The following DYM variants were observed in gnomAD, a reference collection of about 807,000 sequenced individuals.
The protein encoded by DYM is dymeclin, also known as dyggve-Melchior-Clausen syndrome protein.
A neutral mutation model predicts 93.1 loss-of-function variants in DYM; 78 were observed. That is an observed-to-expected ratio of 0.84 (90% CI 0.70 to 1.01). The LOEUF is 1.01. Among genes scored for constraint, DYM ranks in the 50% least tolerant of loss-of-function variants. The probability of loss-of-function intolerance (pLI) is 0.00; values close to 1 mark genes in which losing one functional copy is unlikely to be tolerated. For synonymous variants in DYM, 321 were observed against 319.7 expected (o/e 1.00, Z -0.04); for missense variants, 789 against 845.0 (o/e 0.93, Z 0.82).
Position 49,391,342 on chromosome 18 carries a change from G to C in DYM, c.193+251C>G, listed in dbSNP as rs1049169486. 4 of 435,284 alleles carry C rather than the reference G, an allele frequency of 9.2e-6. No homozygotes were observed. The South Asian group carries it at 1.0e-4, about 11-fold the overall frequency. The allele number at this position is 435,284 out of a possible 1,614,324, so 27.0% of individuals were successfully genotyped here. On this transcript the variant is annotated intron_variant, in intron 3 of 17. Coordinates refer to ENST00000675505, the MANE Select transcript of DYM (RefSeq NM_001353214.3). ...TTCAGTATTTCAAAATTCACAAAAA[G>C]AACAAGACGAAAGAGTGTCTATGGC...
chr18:49,258,839 CAGAGAG>C (rs61360021), intron 11 of DYM, among the ~76,000 whole-genome samples: 4,308 of 113,562 alleles, frequency 0.038, 72 homozygotes, highest in South Asian at 0.084. Flanking sequence ...CACACACACA[CAGAGAG>C]AGAGAGAGAG....
intron 1 of DYM, among the ~76,000 whole-genome samples, chr18:49,438,908 G>C (rs1171820201): frequency 6.6e-6 from 1 of 152,132 alleles, no homozygotes; most frequent in East Asian, 1.9e-4. Flanking sequence ...AATTTATTTG[G>C]AACTCTCAAG....
chr18:49,275,020 GC>G (rs2094815529), intron 10 of DYM, among the ~76,000 whole-genome samples: 1 of 151,892 alleles, frequency 6.6e-6, no homozygotes, highest in African/African-American at 2.4e-5. Context: ...CATTGCTCAT[GC>G]TTTTGTTGTT....
At chr18:49,337,255 G>T (rs1406091904) in intron 6 of DYM, among the ~76,000 whole-genome samples, 1 of 152,164 alleles carries the variant, frequency 6.6e-6, no homozygotes, top group African/African-American at 2.4e-5. Context: ...GATCCAGAAT[G>T]TTGTTGACTG....
chr18:49,178,913 C>G (rs1568550621), intron 14 of DYM, among the ~76,000 whole-genome samples: 1 of 151,864 alleles, frequency 6.6e-6, no homozygotes, highest in East Asian at 1.9e-4. Context: ...AACCCCCCCA[C>G]CACGCCCCCA....
chr18:49,451,896 A>G (rs1339935415), intron 1 of DYM, among the ~76,000 whole-genome samples: 2 of 152,222 alleles, frequency 1.3e-5, no homozygotes, highest in Non-Finnish European at 2.9e-5. Context: ...TCAAGTGGTG[A>G]TCTCCTGAAG....
chr18:49,455,363 C>G (rs1193052442), intron 1 of DYM, among the ~76,000 whole-genome samples: 2 of 152,206 alleles, frequency 1.3e-5, no homozygotes, highest in Non-Finnish European at 2.9e-5. Flanking sequence ...CCTTGTCCAT[C>G]TCTAATTCTC....
At chr18:49,319,342 T>G (rs2062288324) in intron 8 of DYM, among the ~76,000 whole-genome samples, 1 of 152,184 alleles carries the variant, frequency 6.6e-6, no homozygotes, top group Non-Finnish European at 1.5e-5. Flanking sequence ...TTGATGAAGT[T>G]ATGGTGAAGG....
At chr18:49,321,018 T>G (rs1466440987) in intron 8 of DYM, 3 of 186,954 alleles carry the variant, frequency 1.6e-5, no homozygotes, top group Non-Finnish European at 3.3e-5. Context: ...AACAGCTGCT[T>G]AATAAAAGTT....
At chr18:49,135,967 G>A (rs2083807308) in intron 15 of DYM, among the ~76,000 whole-genome samples, 1 of 152,208 alleles carries the variant, frequency 6.6e-6, no homozygotes, top group African/African-American at 2.4e-5. Context: ...TTGTATTTAT[G>A]GTTGTCTAAT....
chr18:49,448,283 G>C (rs926198349), intron 1 of DYM, among the ~76,000 whole-genome samples: 2 of 152,112 alleles, frequency 1.3e-5, no homozygotes, highest in Non-Finnish European at 2.9e-5. Context: ...AATTAGAGTA[G>C]TACTTAATTA....
At chr18:49,410,073 T>C (rs1233298480) in intron 2 of DYM, among the ~76,000 whole-genome samples, 2 of 152,206 alleles carry the variant, frequency 1.3e-5, no homozygotes, top group African/African-American at 2.4e-5. Context: ...ATTTTGTGTG[T>C]GTGTGTTTTA....
chr18:49,308,040 A>G (rs542727132), intron 8 of DYM, among the ~76,000 whole-genome samples: 29 of 152,208 alleles, frequency 1.9e-4, no homozygotes, highest in Non-Finnish European at 4.1e-4. Flanking sequence ...ATATTCTCTA[A>G]TGACAAAATA....
At chr18:49,200,220 G>C (rs2091881453) in intron 14 of DYM, among the ~76,000 whole-genome samples, 3 of 151,792 alleles carry the variant, frequency 2.0e-5, no homozygotes, top group Admixed American at 2.0e-4. Flanking sequence ...AAAAGTGAGA[G>C]AAAAAATTTA....
At chr18:49,367,699 CT>C (rs2066645303) in intron 5 of DYM, among the ~76,000 whole-genome samples, 1 of 152,188 alleles carries the variant, frequency 6.6e-6, no homozygotes. Context: ...GAGTTTTTGT[CT>C]TTGTTTTCTT....
chr18:49,246,291 A>C (rs2094165013), intron 13 of DYM, among the ~76,000 whole-genome samples: 1 of 152,204 alleles, frequency 6.6e-6, no homozygotes, highest in African/African-American at 2.4e-5. Context: ...GCCACTTTAA[A>C]TCTTTTTACC....
Position 49,292,355 on chromosome 18 carries a change from G to GGCAGGCAGGC in DYM, c.764-5740_764-5739insGCCTGCCTGC, listed in dbSNP as rs2060188355. On this transcript the variant is annotated intron_variant, in intron 8 of 17. Coordinates refer to ENST00000675505, the MANE Select transcript of DYM (RefSeq NM_001353214.3). ...AGGCAGGCAGACAGACAGACAGACA[G>GGCAGGCAGGC]ACACACACACACACACACACACACA... Among the ~76,000 whole-genome samples the GGCAGGCAGGC allele has an allele frequency of 9.4e-5, 8 of 84,744 alleles. No homozygotes were observed. The East Asian group carries it at 2.7e-3, about 29-fold the overall frequency. The allele number at this position is 84,744 out of a possible 152,430, so 55.6% of individuals were successfully genotyped here. A position where few individuals can be genotyped will look rare whatever the true frequency, so the allele number is the denominator to read the frequency against.
chr18:49,341,491 C>CAAAAAAAAA (rs10578063), intron 6 of DYM, among the ~76,000 whole-genome samples: 3 of 64,920 alleles, frequency 4.6e-5, no homozygotes, highest in Admixed American at 2.1e-4. Context: ...GACTCCATCG[C>CAAAAAAAAA]AAAAAAAAAA....
At chr18:49,218,588 A>G (rs1445733188) in intron 13 of DYM, among the ~76,000 whole-genome samples, 1 of 152,200 alleles carries the variant, frequency 6.6e-6, no homozygotes, top group Non-Finnish European at 1.5e-5. Flanking sequence ...ACTAGAACTC[A>G]GGATTAAGAA....
Sources: allele counts gnomAD v4.1 joint callset (sites outside exome capture counted in the v4.1 genomes callset), GRCh38; gene constraint gnomAD v4.1.1; transcripts MANE v1.5; gene names NCBI Gene and HGNC (gene_info 2026-07-23, HGNC 2026-07-21).